Variants in CRY2 observed in about 807,000 individuals in gnomAD.
The protein encoded by CRY2 is cryptochrome circadian regulator 2.
A neutral mutation model predicts 69.5 loss-of-function variants in CRY2; 31 were observed. The observed-to-expected ratio is 0.45, with a 90% CI of 0.34 to 0.60. The LOEUF is 0.60. Ranked by LOEUF, CRY2 falls within the 20% of genes least tolerant of loss-of-function variation. The pLI is 0.02. For missense variants in CRY2, 606 were observed against 797.8 expected (o/e 0.76, Z 2.90); for synonymous variants, 303 against 312.2 (o/e 0.97, Z 0.31).
chr11:45,867,586 T>C, intron 5 of CRY2, 26 bp from the exon 6 acceptor site: 1 of 1,613,910 alleles, frequency 6.2e-7, no homozygotes, highest in East Asian at 2.2e-5. Context: ...AGCCTTTCCT[T>C]TTGCCACCTT....
At chr11:45,853,024 C>T (rs1397265933) in intron 1 of CRY2, among the ~76,000 whole-genome samples, 1 of 152,192 alleles carries the variant, frequency 6.6e-6, no homozygotes, top group Non-Finnish European at 1.5e-5. Context: ...GGCAGCACAG[C>T]CTCAGTGCTC....
chr11:45,878,989 G>A (rs550712223), intron 11 of CRY2, among the ~76,000 whole-genome samples: 96 of 150,370 alleles, frequency 6.4e-4, no homozygotes, highest in Non-Finnish European at 1.0e-3. Context: ...CAGCACTTTG[G>A]GAGGCTGAAG....
In CRY2 at chr11:45,863,276, T is replaced by TG. The variant is rs141955537; in HGVS notation, c.741+1131dup. Among the ~76,000 whole-genome samples the TG allele has an allele frequency of 2.4e-3, 367 of 152,240 alleles. 2 individuals carry two copies. Among genetic ancestry groups the TG allele is most frequent in the African/African-American group, 8.1e-3 (336 of 41,542 alleles). On this transcript the variant is annotated intron_variant, in intron 5 of 11. Transcript: ENST00000616080. ...GGGGCAGAAGGGTGGAGATGACAAA[T>TG]GGGATTGCAGGAGTAGAGTAAGGCT...
chr11:45,862,378 G>T (rs1020802729), intron 5 of CRY2, among the ~76,000 whole-genome samples: 2 of 151,464 alleles, frequency 1.3e-5, no homozygotes, highest in East Asian at 3.9e-4. Context: ...TTAAGCACCT[G>T]CTGGCATTTC....
chr11:45,880,639 GTCC>G (rs1204722006), intron 11 of CRY2, among the ~76,000 whole-genome samples: 2 of 152,098 alleles, frequency 1.3e-5, no homozygotes, highest in Admixed American at 6.5e-5. Context: ...ACATAGCCTT[GTCC>G]TCCTCCTCCT....
intron 3 of CRY2, among the ~76,000 whole-genome samples, chr11:45,859,092 A>C (rs1220990482): frequency 2.0e-5 from 3 of 152,134 alleles, no homozygotes; most frequent in Non-Finnish European, 2.9e-5. Flanking sequence ...TGTTAGGCCC[A>C]AAGCATGGAA....
intron 1 of CRY2, among the ~76,000 whole-genome samples, chr11:45,849,520 A>T (rs72902412): frequency 0.17 from 25,665 of 152,124 alleles, 2,798 homozygotes; most frequent in Non-Finnish European, 0.24. Context: ...GAAACATAAG[A>T]TAAGGGGACA....
chr11:45,848,017 C>T (rs2086166274), intron 1 of CRY2, among the ~76,000 whole-genome samples: 1 of 152,148 alleles, frequency 6.6e-6, no homozygotes, highest in South Asian at 2.1e-4. Flanking sequence ...GACTTGTAGC[C>T]AGTGAGTGGC....
At chr11:45,862,636 C>T (rs2086297157) in intron 5 of CRY2, among the ~76,000 whole-genome samples, 2 of 152,170 alleles carry the variant, frequency 1.3e-5, no homozygotes, top group Non-Finnish European at 2.9e-5. Context: ...TGTCGGATTG[C>T]TTTTCTTTCA....
intron 11 of CRY2, among the ~76,000 whole-genome samples, chr11:45,876,243 C>A (rs1158125469): frequency 1.3e-5 from 2 of 152,162 alleles, no homozygotes; most frequent in African/African-American, 2.4e-5. Flanking sequence ...CTCTATAGTT[C>A]TGGATTCTGT....
chr11:45,847,152 G>C (rs2086154685), upstream of CRY2: 1 of 1,538,530 alleles, frequency 6.5e-7, no homozygotes, highest in Admixed American at 2.0e-5. Flanking sequence ...AACAGGACGT[G>C]GGTAAGAGAT....
At chr11:45,863,294 G>A (rs2086302870) in intron 5 of CRY2, among the ~76,000 whole-genome samples, 1 of 152,220 alleles carries the variant, frequency 6.6e-6, no homozygotes, top group African/African-American at 2.4e-5. Context: ...CAGGAGTAGA[G>A]TAAGGCTTAA....
At position 45,856,042 on chromosome 11, in the gene CRY2, G is replaced by A; in HGVS notation, c.276G>A (p.Leu92=). The A allele has an allele frequency of 6.2e-7, 1 of 1,614,218 alleles. No individual in the cohort carries two copies. Among genetic ancestry groups the A allele is most frequent in the Non-Finnish European group, 8.5e-7 (1 of 1,180,054 alleles). Residue 92 remains leucine (L), a synonymous_variant, in exon 2 of 12, where the codon CTG becomes CTA. Coordinates refer to ENST00000616080, the MANE Select transcript of CRY2 (RefSeq NM_021117.5). ...DTSLRKLNSR[L]FVVRGQPADV... The stretch of plus-strand genomic sequence containing the variant: ...GTTTAAGGAAACTGAACTCCCGCCT[G>A]TTTGTAGTCCGGGGACAGCCAGCCG...
chr11:45,856,240 C>A, intron 2 of CRY2, 150 bp downstream of exon 2: 1 of 654,582 alleles, frequency 1.5e-6, no homozygotes, highest in Non-Finnish European at 2.6e-6. Context: ...CAAAGGCAGC[C>A]AGTTAGCTTG....
chr11:45,852,573 C>G (rs1442208514), intron 1 of CRY2, among the ~76,000 whole-genome samples: 1 of 152,206 alleles, frequency 6.6e-6, no homozygotes, highest in African/African-American at 2.4e-5. Flanking sequence ...ACATCCCTGT[C>G]TATTGCCTCC....
chr11:45,858,509 C>G, intron 2 of CRY2: 5 of 526,496 alleles, frequency 9.5e-6, no homozygotes. Flanking sequence ...CCCAACTCCA[C>G]TGTTGCTGTG....
chr11:45,880,681 C>A (rs761652743), intron 11 of CRY2, among the ~76,000 whole-genome samples: 1 of 152,208 alleles, frequency 6.6e-6, no homozygotes, highest in Admixed American at 6.5e-5. Flanking sequence ...GGTGGAGGGC[C>A]TGCAGTGGGG....
upstream of CRY2, chr11:45,847,256 G>C: frequency 3.9e-6 from 6 of 1,551,690 alleles, no homozygotes; most frequent in Non-Finnish European, 5.2e-6. Flanking sequence ...CCGCATGCCA[G>C]CTCCACCCGG....
chr11:45,866,739 G>A lies in CRY2; in HGVS notation c.742-873G>A, dbSNP rs191143419. Among the ~76,000 whole-genome samples the A allele has an allele frequency of 8.6e-3, 1,304 of 152,250 alleles. 7 individuals carry two copies. The highest frequency in any genetic ancestry group is 0.013 in the Non-Finnish European group (877 of 68,018). ...TACTCAGGAGGCTGAAGAGAGTCAAGGTTGTGAAACAGTATCATGGAGAGG... is the reference window on the plus strand; with the variant it reads ...TACTCAGGAGGCTGAAGAGAGTCAAAGTTGTGAAACAGTATCATGGAGAGG... On this transcript the variant is annotated intron_variant, in intron 5 of 11. Coordinates refer to ENST00000616080, the MANE Select transcript of CRY2 (RefSeq NM_021117.5).
Sources: allele counts gnomAD v4.1 joint callset (sites outside exome capture counted in the v4.1 genomes callset), GRCh38; gene constraint gnomAD v4.1.1; transcripts MANE v1.5; gene names NCBI Gene and HGNC (gene_info 2026-07-23, HGNC 2026-07-21).